Variants in GLS2 observed in about 807,000 individuals in gnomAD.
GLS2 encodes the protein glutaminase 2, also known as glutaminase liver isoform, mitochondrial.
A neutral mutation model predicts 79.0 loss-of-function variants in GLS2; 52 were observed. The observed-to-expected ratio is 0.66, with a 90% CI of 0.53 to 0.83. The LOEUF is 0.83. Among genes scored for constraint, GLS2 ranks in the 40% least tolerant of loss-of-function variants. The pLI, the probability that GLS2 is intolerant of heterozygous loss-of-function variation, is 0.00. For missense variants in GLS2, 561 were observed against 764.8 expected (o/e 0.73, Z 3.14); for synonymous variants, 238 against 280.8 (o/e 0.85, Z 1.52).
At position 56,478,107 on chromosome 12, in the gene GLS2, A is replaced by G. The variant is rs1489832157; in HGVS notation, c.615-11T>C. ...TGGCCCACAGAGTGCCTGGAGGCAGACAGATGCCATGAAAGGGGTTGGCCT... is the reference window on the plus strand; with the variant it reads ...TGGCCCACAGAGTGCCTGGAGGCAGGCAGATGCCATGAAAGGGGTTGGCCT... On this transcript the variant is annotated splice_polypyrimidine_tract_variant and intron_variant, in intron 5 of 17. Transcript: ENST00000311966. 14 of 1,614,070 alleles carry G rather than the reference A, an allele frequency of 8.7e-6. No homozygotes were observed. Among genetic ancestry groups the G allele is most frequent in the Non-Finnish European group, 1.1e-5 (13 of 1,179,946 alleles).
rs765927984 is a variant in GLS2 at position 56,474,525 on chromosome 12, A to G, written c.1224+19T>C. 106 of 1,613,268 alleles carry G rather than the reference A, an allele frequency of 6.6e-5. No homozygotes were observed. The Middle Eastern group carries it at 9.9e-4, about 15-fold the overall frequency. On this transcript the variant is annotated intron_variant, in intron 12 of 17. Transcript: ENST00000311966. ...AGCACTGGGCTCATGACAGATGGAT[A>G]GCAGAGCCAGAAACTCACGTGGAAG...
Position 56,479,830 on chromosome 12 carries a change from C to G in GLS2, c.354G>C (p.Val118=), listed in dbSNP as rs770083837. Residue 118 remains valine (V), a synonymous_variant, in exon 3 of 18, where the codon GTG becomes GTC. Transcript: ENST00000311966. ...LRDCMSEMHR[V]VQESSSGGLL... is the part of the protein sequence containing the mutation. ...GGCCACCACTACTGGACTCTTGGAC[C>G]ACGCGGTGCATCTCGCTCATGCAGT... 1 of 1,612,172 alleles carries G rather than the reference C, an allele frequency of 6.2e-7. No individual in the cohort carries two copies. The highest frequency in any genetic ancestry group is 2.2e-5 in the East Asian group (1 of 44,880).
chr12:56,471,541 C>A lies in GLS2; in HGVS notation c.1755G>T (p.Gln585His). Reference sequence around the variant, plus strand: ...ACAGGGCCTCAGCTGCTGCCTCAGCCTGAGTTTCAGAGAGTGTGTAGGAGT... The same window carrying A: ...ACAGGGCCTCAGCTGCTGCCTCAGCATGAGTTTCAGAGAGTGTGTAGGAGT... The part of the protein sequence containing the change: ...YQDSYTLSET[Q>H]AEAAAEALSK... The change falls in exon 18 of 18, where the codon CAG (glutamine) becomes CAT (histidine). Residue 585 changes from glutamine to histidine, a missense_variant. Transcript: ENST00000311966. 1 of 1,614,184 alleles carries A rather than the reference C, an allele frequency of 6.2e-7. No individual in the cohort carries two copies. Among genetic ancestry groups the A allele is most frequent in the Non-Finnish European group, 8.5e-7 (1 of 1,180,034 alleles).
In GLS2 at chr12:56,479,076, A is replaced by G. The variant is rs375809191; in HGVS notation, c.510T>C (p.Asp170=). 3 of 1,613,522 alleles carry G rather than the reference A, an allele frequency of 1.9e-6. No individual in the cohort carries two copies. The highest frequency in any genetic ancestry group is 4.5e-5 in the East Asian group (2 of 44,862). Residue 170 remains aspartate, a synonymous_variant, in exon 4 of 18, where the codon GAT becomes GAC. Coordinates refer to ENST00000311966, the MANE Select transcript of GLS2 (RefSeq NM_013267.4). ...FTGHVDRIFE[D]VKELTGGKVA... ...CTTTGCCTCCAGTGAGCTCTTTGAC[A>G]TCCTCAAAGATGCGATCCACATGGC... is the stretch of plus-strand genomic sequence containing the variant.
At chr12:56,486,214 G>C (rs534807894) in intron 1 of GLS2, among the ~76,000 whole-genome samples, 16 of 152,204 alleles carry the variant, frequency 1.1e-4, no homozygotes, top group Admixed American at 8.5e-4. Flanking sequence ...GGGAGCACCA[G>C]TCCGAGGATA....
At position 56,488,034 on chromosome 12, in the gene GLS2, TC is replaced by T; in HGVS notation, c.84del (p.Ser29AlafsTer68). 1 of 1,593,006 alleles carries T rather than the reference TC, an allele frequency of 6.3e-7. No individual in the cohort carries two copies. ...CGGACGCCCCCGCCAAGGAGGGGGC[TC>T]CGGCTCGGGTGACCCCAGCCTCCTC... is the stretch of plus-strand genomic sequence containing the variant. ...CGRGGWGHPS[R>X]SPLLGGGVRH... On this transcript the variant is annotated frameshift_variant, in exon 1 of 18. Transcript: ENST00000311966. LOFTEE classifies it high-confidence loss of function.
chr12:56,475,288 A>C, intron 9 of GLS2, 178 bp from the exon 10 acceptor site: 1 of 1,479,686 alleles, frequency 6.8e-7, no homozygotes. Flanking sequence ...CACTCAGCAT[A>C]GTTTTGTTAT....
Position 56,480,346 on chromosome 12 carries a change from A to C in GLS2, c.224T>G (p.Leu75Trp). The change falls in exon 2 of 18, where the codon TTG becomes TGG. Residue 75 changes from leucine to tryptophan, a missense_variant. Around this residue, in one of 4 missense-constraint regions of GLS2, gnomAD observed 161 missense variants for 167.8 expected, o/e 0.96. Coordinates refer to ENST00000311966, the MANE Select transcript of GLS2 (RefSeq NM_013267.4). ...ESGMLSRLGD[L>W]LFYTIAEGQE... ...TCCTTCAGCAATAGTGTAAAAGAGC[A>C]AATCACCCAGGCGGGACAGCATGCC... 6.2e-7 allele frequency: 1 copy of C among 1,614,188 alleles called. No individual in the cohort carries two copies. Among genetic ancestry groups the C allele is most frequent in the Non-Finnish European group, 8.5e-7 (1 of 1,180,018 alleles).
chr12:56,472,885 C>CTTTT (rs952399444), intron 14 of GLS2, 134 bp from the exon 15 acceptor site: 277 of 399,746 alleles, frequency 6.9e-4, no homozygotes, highest in South Asian at 9.7e-4. Flanking sequence ...CTGAAATATT[C>CTTTT]TTTTTTTTTT....
At chr12:56,486,948 G>C (rs1029568571) in intron 1 of GLS2, among the ~76,000 whole-genome samples, 2 of 62,372 alleles carry the variant, frequency 3.2e-5, no homozygotes, top group African/African-American at 1.9e-4. Context: ...TCGAGTAGTG[G>C]TGAGGTAGTG....
At chr12:56,472,597 G>T in intron 15 of GLS2, 93 bp downstream of exon 15, 1 of 1,164,218 alleles carries the variant, frequency 8.6e-7, no homozygotes, top group Non-Finnish European at 1.3e-6. Context: ...TAATTCCAAA[G>T]CTGAAGCACT....
chr12:56,478,738 A>G (rs1163386539), intron 4 of GLS2: 1 of 283,852 alleles, frequency 3.5e-6, no homozygotes, highest in African/African-American at 2.2e-5. Context: ...CATGCCTGTA[A>G]TCCCAGCACT....
At position 56,473,538 on chromosome 12, in the gene GLS2, A is replaced by G. The variant is rs566801023; in HGVS notation, c.1281T>C (p.Asn427=). 3.7e-5 allele frequency: 59 copies of G among 1,613,560 alleles called. No homozygotes were observed. Among genetic ancestry groups the G allele is most frequent in the African/African-American group, 5.3e-5 (4 of 75,026 alleles). ...VSGAILLVVP[N]VMGMMCLSPP... is the part of the protein sequence containing the mutation. Reference sequence around the variant, plus strand: ...GTGACAGGCACATCATTCCCATGACATTGGGTACCACCAGGAGGATGGCTC... The same window carrying G: ...GTGACAGGCACATCATTCCCATGACGTTGGGTACCACCAGGAGGATGGCTC... The change falls in exon 13 of 18, where the codon AAT becomes AAC. Residue 427 remains asparagine, a synonymous_variant. Coordinates refer to ENST00000311966, the MANE Select transcript of GLS2 (RefSeq NM_013267.4).
At chr12:56,475,548 A>G in intron 9 of GLS2, 76 bp downstream of exon 9, 4 of 1,467,370 alleles carry the variant, frequency 2.7e-6, no homozygotes, top group Non-Finnish European at 3.8e-6. Context: ...TCTCTCCCCC[A>G]TTCCTCTTGT....
chr12:56,479,780 T>G lies in GLS2; in HGVS notation c.404A>C (p.Lys135Thr). Residue 135 changes from lysine to threonine, a missense_variant and splice_region_variant, in exon 3 of 18, where the codon AAG becomes ACG. Lys to Thr is a moderately conservative substitution (Grantham distance 78). Coordinates refer to ENST00000311966, the MANE Select transcript of GLS2 (RefSeq NM_013267.4). Reference protein sequence around the residue: ...GGLLDRDLFRKCVSSNIVLLT... With the variant: ...GGLLDRDLFRTCVSSNIVLLT... ...GTGCCCTTGTTTCTGGGGCCCTCAC[T>G]TTCGGAAGAGATCTCGGTCCAAGAG... 6.3e-7 allele frequency: 1 copy of G among 1,596,614 alleles called. No individual in the cohort carries two copies. The highest frequency in any genetic ancestry group is 1.1e-5 in the South Asian group (1 of 90,226).
intron 1 of GLS2, among the ~76,000 whole-genome samples, chr12:56,485,189 A>C (rs1394902058): frequency 6.6e-6 from 1 of 152,206 alleles, no homozygotes; most frequent in Non-Finnish European, 1.5e-5. Flanking sequence ...ATATATATGA[A>C]TATATCACAA....
rs1002101084 is a variant in GLS2 at position 56,478,956 on chromosome 12, C to G, written c.534+96G>C. On this transcript the variant is annotated intron_variant, in intron 4 of 17. Coordinates refer to ENST00000311966, the MANE Select transcript of GLS2 (RefSeq NM_013267.4). Reference sequence around the variant, plus strand: ...CTGAGATTGCACCATTGCACTCCAGCCCGGGTGACAGAGCAAAACTCTGTC... The same window carrying G: ...CTGAGATTGCACCATTGCACTCCAGGCCGGGTGACAGAGCAAAACTCTGTC... The G allele has an allele frequency of 6.7e-6, 10 of 1,482,126 alleles. No homozygotes were observed. The African/African-American group carries it at 1.1e-4, about 17-fold the overall frequency. The allele number at this position is 1,482,126 out of a possible 1,614,324, so 91.8% of individuals were successfully genotyped here.
At chr12:56,481,275 G>A (rs967357326) in intron 1 of GLS2, among the ~76,000 whole-genome samples, 38 of 136,402 alleles carry the variant, frequency 2.8e-4, no homozygotes, top group African/African-American at 8.1e-4. Flanking sequence ...GCGCGATCTC[G>A]GCTCACTGCA....
chr12:56,473,381 T>C, intron 13 of GLS2, 61 bp from the exon 14 acceptor site: 1 of 1,605,610 alleles, frequency 6.2e-7, no homozygotes, highest in East Asian at 2.2e-5. Flanking sequence ...GAGCTCAAAA[T>C]TGCTTTATTA....
Sources: allele counts gnomAD v4.1 joint callset (sites outside exome capture counted in the v4.1 genomes callset), GRCh38; gene constraint gnomAD v4.1.1; regional missense constraint gnomAD v4.1.1; transcripts MANE v1.5; gene names NCBI Gene and HGNC (gene_info 2026-07-23, HGNC 2026-07-21).